The following TMEM87A variants were observed in gnomAD, a reference collection of about 807,000 sequenced individuals.
TMEM87A encodes the protein Golgi-pH regulating cation channel.
Under a neutral mutation model 90.0 loss-of-function variants are expected in TMEM87A, and 50 were observed. The observed-to-expected ratio is 0.56, with a 90% confidence interval of 0.44 to 0.70. The LOEUF is 0.70. TMEM87A is among the 30% of genes least tolerant of loss of function. The pLI is 0.00. For missense variants in TMEM87A, 577 were observed against 660.5 expected (o/e 0.87, Z 1.39); for synonymous variants, 226 against 226.7 (o/e 1.00, Z 0.03).
chr15:42,211,766 A>G lies in TMEM87A; in HGVS notation c.1627-17T>C, dbSNP rs1247158248. On this transcript the variant is annotated splice_polypyrimidine_tract_variant and intron_variant, in intron 19 of 19. Transcript: ENST00000389834. ...CATTCGTTCCTAGGGAAAAAAAAAA[A>G]GGTTGAAGTATATTAGGTTAAAATG... The G allele has an allele frequency of 1.2e-6, 2 of 1,604,652 alleles. No individual in the cohort carries two copies. Among genetic ancestry groups the G allele is most frequent in the Non-Finnish European group, 1.7e-6 (2 of 1,173,828 alleles).
chr15:42,239,864 A>G lies in TMEM87A; in HGVS notation c.623-133T>C, dbSNP rs1319612302. The G allele has an allele frequency of 6.6e-6, 5 of 760,028 alleles. No homozygotes were observed. In the African/African-American group the frequency reaches 8.5e-5, roughly 13 times the overall value. 47.1% of individuals were successfully genotyped at this position (760,028 alleles called of 1,614,324 possible). A position where few individuals can be genotyped will look rare whatever the true frequency, so the allele number is the denominator to read the frequency against. ...ACTTTTAGGCACTTCAATCCTGGTCAATATTACATTATATTTGTACAGCAC... is the reference window on the plus strand; with the variant it reads ...ACTTTTAGGCACTTCAATCCTGGTCGATATTACATTATATTTGTACAGCAC... On this transcript the variant is annotated intron_variant, in intron 7 of 19. Coordinates refer to ENST00000389834, the MANE Select transcript of TMEM87A (RefSeq NM_015497.5).
chr15:42,269,942 CAAAAAAAAAAAAAA>C (rs11308996), intron 2 of TMEM87A, among the ~76,000 whole-genome samples: 1 of 71,686 alleles, frequency 1.4e-5, no homozygotes, highest in South Asian at 5.4e-4. Context: ...GACTCCGTCT[CAAAAAAAAAAAAAA>C]AAAAAAAAAT....
At chr15:42,236,584 C>T (rs903084521) in intron 9 of TMEM87A, among the ~76,000 whole-genome samples, 165 bp from the exon 10 acceptor site, 4 of 152,166 alleles carry the variant, frequency 2.6e-5, no homozygotes, top group African/African-American at 9.7e-5. Flanking sequence ...AAGCTGATGC[C>T]ACTCACAATC....
intron 3 of TMEM87A, among the ~76,000 whole-genome samples, chr15:42,265,536 C>T (rs1328737295): frequency 1.3e-5 from 2 of 151,998 alleles, no homozygotes; most frequent in African/African-American, 4.8e-5. Context: ...GTCCTTTACC[C>T]ACTTTTCTAT....
intron 15 of TMEM87A, among the ~76,000 whole-genome samples, chr15:42,221,479 A>G (rs1482563571): frequency 1.3e-5 from 2 of 152,206 alleles, no homozygotes; most frequent in African/African-American, 4.8e-5. Flanking sequence ...AGGAATTATC[A>G]AAAATATATA....
chr15:42,232,086 G>A (rs1480519047), intron 11 of TMEM87A, among the ~76,000 whole-genome samples: 1 of 152,152 alleles, frequency 6.6e-6, no homozygotes, highest in Non-Finnish European at 1.5e-5. Context: ...GTTTTCTTGT[G>A]GGCAAAGCCA....
Position 42,254,930 on chromosome 15 carries a change from T to C in TMEM87A, c.504+6028A>G, listed in dbSNP as rs1186940313. On this transcript the variant is annotated intron_variant, in intron 6 of 19. Transcript: ENST00000389834. Reference sequence around the variant, plus strand: ...TATGTTGACGATGGGGGAGGCTAAGTGTATAGGTATAGACACAGCATGTGG... The same window carrying C: ...TATGTTGACGATGGGGGAGGCTAAGCGTATAGGTATAGACACAGCATGTGG... Among the ~76,000 whole-genome samples, 4 of 151,326 alleles carry C rather than the reference T, an allele frequency of 2.6e-5. No homozygotes were observed. The East Asian group carries it at 5.8e-4, about 22-fold the overall frequency.
At chr15:42,239,463 A>G (rs2050833092) in intron 8 of TMEM87A, among the ~76,000 whole-genome samples, 1 of 152,210 alleles carries the variant, frequency 6.6e-6, no homozygotes, top group Admixed American at 6.5e-5. Flanking sequence ...TGACCCCTTC[A>G]TTATATGGAT....
intron 2 of TMEM87A, 55 bp downstream of exon 2, chr15:42,272,008 T>C: frequency 7.2e-7 from 1 of 1,379,942 alleles, no homozygotes. Context: ...ATTTAAAACA[T>C]TACCTATAAA....
chr15:42,255,657 T>C (rs2051163861), intron 6 of TMEM87A, among the ~76,000 whole-genome samples: 1 of 152,198 alleles, frequency 6.6e-6, no homozygotes, highest in Non-Finnish European at 1.5e-5. Flanking sequence ...TGTATCACAT[T>C]ATTGCTTAAA....
At chr15:42,270,024 G>A (rs2051486753) in intron 2 of TMEM87A, among the ~76,000 whole-genome samples, 1 of 146,692 alleles carries the variant, frequency 6.8e-6, no homozygotes. Flanking sequence ...CAAAATCAAA[G>A]ACAACTGGTA....
rs1289546504 is a variant in TMEM87A, at chr15:42,261,178, T to G, written c.459+18A>C. On this transcript the variant is annotated intron_variant, in intron 5 of 19. Coordinates refer to ENST00000389834, the MANE Select transcript of TMEM87A (RefSeq NM_015497.5). ...AGTTTTTACTGCACTCTCAGAAATA[T>G]ATAATGAAAACAATTACCTCCTGTT... 1 of 1,611,330 alleles carries G rather than the reference T, an allele frequency of 6.2e-7. No individual in the cohort carries two copies. Among genetic ancestry groups the G allele is most frequent in the African/African-American group, 1.3e-5 (1 of 74,784 alleles).
intron 18 of TMEM87A, 150 bp downstream of exon 18, chr15:42,218,173 C>T: frequency 1.3e-6 from 1 of 798,940 alleles, no homozygotes; most frequent in Middle Eastern, 3.7e-4. Context: ...ATGAATAAAC[C>T]CAATTAATTT....
chr15:42,262,241 A>C (rs2051310183), intron 4 of TMEM87A: 1 of 152,212 alleles, frequency 6.6e-6, no homozygotes, highest in South Asian at 2.1e-4. Context: ...CAATCCTCCT[A>C]GTCTAAGGGA....
At chr15:42,246,976 G>C (rs2050986519) in intron 6 of TMEM87A, among the ~76,000 whole-genome samples, 1 of 152,102 alleles carries the variant, frequency 6.6e-6, no homozygotes, top group South Asian at 2.1e-4. Context: ...ACTTTTTACT[G>C]ATCACCATTC....
intron 19 of TMEM87A, among the ~76,000 whole-genome samples, chr15:42,215,756 A>G (rs140541648): frequency 3.7e-4 from 57 of 152,332 alleles, no homozygotes; most frequent in Admixed American, 1.0e-3. Context: ...GTGGGCAAAG[A>G]AAGAAATTGG....
chr15:42,215,174 A>G (rs115810894), intron 19 of TMEM87A, among the ~76,000 whole-genome samples: 2,532 of 152,292 alleles, frequency 0.017, 73 homozygotes, highest in African/African-American at 0.059. Context: ...TTGGGTATCT[A>G]AAGTTATCTA....
Position 42,227,699 on chromosome 15 carries a change from C to T in TMEM87A, c.1299+12G>A. On this transcript the variant is annotated intron_variant, in intron 14 of 19. Coordinates refer to ENST00000389834, the MANE Select transcript of TMEM87A (RefSeq NM_015497.5). ...AGACAGTACATTATTCATAAATGTG[C>T]TTATAACTCACCGACTGACATGTCA... 1 of 1,611,618 alleles carries T rather than the reference C, an allele frequency of 6.2e-7. No homozygotes were observed. Among genetic ancestry groups the T allele is most frequent in the Non-Finnish European group, 8.5e-7 (1 of 1,177,918 alleles).
At chr15:42,227,051 G>GT in intron 14 of TMEM87A, 142 bp from the exon 15 acceptor site, 10 of 719,316 alleles carry the variant, frequency 1.4e-5, no homozygotes, top group Non-Finnish European at 2.0e-5. Context: ...CAGTACTGTG[G>GT]TAAGTGTGGG....
Sources: gnomAD v4.1 joint callset for allele counts (sites outside exome capture counted in the v4.1 genomes callset) on GRCh38, gnomAD v4.1.1 for gene constraint, MANE v1.5 for transcripts, NCBI Gene and HGNC (gene_info 2026-07-23, HGNC 2026-07-21) for gene names.